KNDC1: variants seen among roughly 807,000 people sequenced by gnomAD.
KNDC1 encodes the protein kinase non-catalytic C-lobe domain containing 1.
KNDC1 carries 106 observed loss-of-function variants against 172.8 expected under a neutral mutation model. That is an observed-to-expected ratio of 0.61 (90% CI 0.52 to 0.72). The LOEUF is 0.72. Ranked by LOEUF, KNDC1 falls within the 30% of genes least tolerant of loss-of-function variation. KNDC1 has a pLI of 0.00. For synonymous variants in KNDC1, 1,083 were observed against 1,062.2 expected (o/e 1.02, Z -0.38); for missense variants, 2,325 against 2,394.5 (o/e 0.97, Z 0.61).
chr10:133,167,581 T>G lies in KNDC1; in HGVS notation c.301+2T>G. 1 of 1,580,550 alleles carries G rather than the reference T, an allele frequency of 6.3e-7. No individual in the cohort carries two copies. Among genetic ancestry groups the G allele is most frequent in the Non-Finnish European group, 8.6e-7 (1 of 1,163,604 alleles). ...TGTGTTTCATGGAGCAGCTCAGCGG[T>G]GAGGCGGCGGTGGCGGTGGCGGCGG... On this transcript the variant is annotated splice_donor_variant, in intron 2 of 29. Transcript: ENST00000304613. LOFTEE classifies it high-confidence loss of function.
At chr10:133,202,453 C>A in intron 17 of KNDC1, 1 of 395,406 alleles carries the variant, frequency 2.5e-6, no homozygotes, top group Non-Finnish European at 5.1e-6. Context: ...GCAGGAGAGG[C>A]CTGCAGAGCT....
At chr10:133,172,094 A>G (rs1301281885) in intron 3 of KNDC1, among the ~76,000 whole-genome samples, 2 of 152,098 alleles carry the variant, frequency 1.3e-5, no homozygotes, top group Non-Finnish European at 2.9e-5. Flanking sequence ...TCCTTCTCTT[A>G]CTTGATGCAG....
intron 7 of KNDC1, 113 bp downstream of exon 7, chr10:133,188,766 C>T: frequency 1.7e-6 from 1 of 586,894 alleles, no homozygotes. Flanking sequence ...TCCCACGCCC[C>T]CCCACTGTCC....
At chr10:133,189,214 C>T (rs552446589) in intron 7 of KNDC1, among the ~76,000 whole-genome samples, 4 of 152,264 alleles carry the variant, frequency 2.6e-5, no homozygotes, top group East Asian at 1.9e-4. Context: ...GAGAGGCCAT[C>T]GGAGACACAC....
intron 3 of KNDC1, among the ~76,000 whole-genome samples, chr10:133,178,680 T>G (rs1331617213): frequency 6.6e-6 from 1 of 152,180 alleles, no homozygotes; most frequent in African/African-American, 2.4e-5. Flanking sequence ...GAGTCTCTCA[T>G]GACCCCACAC....
In KNDC1 at chr10:133,213,993, T is replaced by G. The variant is rs1473768668; in HGVS notation, c.4548T>G (p.Leu1516=). The change falls in exon 26 of 30, where the codon CTT becomes CTG. Residue 1516 remains leucine (L), a synonymous_variant. Coordinates refer to ENST00000304613, the MANE Select transcript of KNDC1 (RefSeq NM_152643.8). ...AIPKASSSES[L]SAKTCSLFLP... ...CCAGAGCCAGCTCTTCTGAGTCTCT[T>G]TCGGCCAAAACCTGCAGCTTATTTC... The G allele has an allele frequency of 6.2e-7, 1 of 1,614,160 alleles. No individual in the cohort carries two copies. Among genetic ancestry groups the G allele is most frequent in the Non-Finnish European group, 8.5e-7 (1 of 1,179,998 alleles).
At chr10:133,185,921 A>AGGGGAGGGGTGGGAGGAG (rs1853893561) in intron 5 of KNDC1, 53 bp from the exon 6 acceptor site, 2 of 960,428 alleles carry the variant, frequency 2.1e-6, no homozygotes, top group African/African-American at 8.2e-5. Flanking sequence ...GCGGGAGGAG[A>AGGGGAGGGGTGGGAGGAG]GGGGAGGGGC....
intron 1 of KNDC1, among the ~76,000 whole-genome samples, chr10:133,161,321 C>T (rs1232913734): frequency 6.6e-6 from 1 of 152,204 alleles, no homozygotes; most frequent in Non-Finnish European, 1.5e-5. Context: ...ATCTGCCAAA[C>T]CTCCAACAGG....
At position 133,186,287 on chromosome 10, in the gene KNDC1, C is replaced by T. The variant is rs370882007; in HGVS notation, c.939C>T (p.Ser313=). ...RKVQTFPRLL[S]DSPEATLCLP... is the part of the protein sequence containing the mutation. ...TGCAGACGTTCCCTAGGCTGCTGTC[C>T]GACAGCCCCGAGGCCACCCTCTGCC... Residue 313 remains serine, a synonymous_variant, in exon 6 of 30, where the codon TCC becomes TCT. Transcript: ENST00000304613. 2.9e-5 allele frequency: 46 copies of T among 1,610,436 alleles called. No homozygotes were observed. The highest frequency in any genetic ancestry group is 3.2e-5 in the Non-Finnish European group (38 of 1,179,096).
chr10:133,221,231 G>A (rs56114556), intron 29 of KNDC1, among the ~76,000 whole-genome samples: 2,447 of 152,152 alleles, frequency 0.016, 75 homozygotes, highest in African/African-American at 0.055. Context: ...ATCCAGGTGG[G>A]ACCCAGGATC....
intron 20 of KNDC1, among the ~76,000 whole-genome samples, chr10:133,208,960 G>A (rs895784974): frequency 2.0e-5 from 3 of 152,034 alleles, no homozygotes; most frequent in Non-Finnish European, 2.9e-5. Flanking sequence ...CATGTGTGGC[G>A]TGGGGTATAA....
rs201954611 is a variant in KNDC1, at chr10:133,219,063, G to C, written c.4833G>C (p.Glu1611Asp). 1.2e-6 allele frequency: 2 copies of C among 1,613,928 alleles called. No individual in the cohort carries two copies. Among genetic ancestry groups the C allele is most frequent in the South Asian group, 1.1e-5 (1 of 91,082 alleles). ...AWRILPAKIA[E>D]VMEELKAVEV... is the part of the protein sequence containing the mutation. ...GAATTCTGCCTGCAAAGATAGCAGA[G>C]GTCATGGAGGAGCTGAAAGCCGTGG... Residue 1611 changes from glutamate (E) to aspartate (D), a missense_variant, in exon 28 of 30, where the codon GAG (glutamate) becomes GAC (aspartate). Glu to Asp is a conservative substitution (Grantham distance 45). Coordinates refer to ENST00000304613, the MANE Select transcript of KNDC1 (RefSeq NM_152643.8).
At chr10:133,214,224 G>A in intron 26 of KNDC1, 102 bp downstream of exon 26, 1 of 1,267,284 alleles carries the variant, frequency 7.9e-7, no homozygotes, top group South Asian at 1.3e-5. Context: ...CTCTCCCAAT[G>A]CAGTGAACCC....
intron 24 of KNDC1, 97 bp from the exon 25 acceptor site, chr10:133,213,548 G>T: frequency 1.0e-6 from 1 of 982,152 alleles, no homozygotes. Context: ...TGCAGAGCTG[G>T]CCCCCCAGAA....
intron 3 of KNDC1, among the ~76,000 whole-genome samples, chr10:133,177,506 CAT>C (rs553321044): frequency 3.1e-4 from 47 of 149,466 alleles, no homozygotes; most frequent in East Asian, 2.2e-3. Context: ...GTGTCATGGT[CAT>C]GTGTGTAATG....
chr10:133,215,392 C>T (rs1402097039), intron 26 of KNDC1, among the ~76,000 whole-genome samples: 2 of 152,226 alleles, frequency 1.3e-5, no homozygotes, highest in Non-Finnish European at 2.9e-5. Context: ...CAGGCAACCC[C>T]GGGCCGTAAA....
At chr10:133,194,739 T>C (rs986937702) in intron 9 of KNDC1, among the ~76,000 whole-genome samples, 5 of 152,190 alleles carry the variant, frequency 3.3e-5, no homozygotes, top group Non-Finnish European at 5.9e-5. Context: ...TGGGAGTACT[T>C]ACACCAGGGA....
chr10:133,226,127 T>G lies in KNDC1; in HGVS notation c.*1237T>G. 6.6e-6 allele frequency: 1 copy of G among 152,204 alleles called. No individual in the cohort carries two copies. The highest frequency in any genetic ancestry group is 1.9e-4 in the East Asian group (1 of 5,198). The allele number at this position is 152,204 out of a possible 1,614,324, so 9.4% of individuals were successfully genotyped here. On this transcript the variant is annotated 3_prime_UTR_variant, in exon 30 of 30. Transcript: ENST00000304613. ...TCAAGATGTGTTTTCCCACATAAAT[T>G]CACCGGAGACATCCGGGCCCCGCTT...
intron 26 of KNDC1, among the ~76,000 whole-genome samples, chr10:133,216,360 G>A (rs913586569): frequency 7.2e-5 from 11 of 152,188 alleles, no homozygotes; most frequent in African/African-American, 2.4e-4. Flanking sequence ...GAAGCAGGAA[G>A]AAACAGCGTA....
Sources: allele counts gnomAD v4.1 joint callset (sites outside exome capture counted in the v4.1 genomes callset), GRCh38; gene constraint gnomAD v4.1.1; transcripts MANE v1.5; gene names NCBI Gene and HGNC (gene_info 2026-07-23, HGNC 2026-07-21).